The following H2BC8 variants were observed in gnomAD, a reference collection of about 807,000 sequenced individuals.
H2BC8 encodes the protein histone H2B type 1-C/E/F/G/I.
In H2BC8, 11 loss-of-function variants were observed where a neutral mutation model predicts 6.3. That is an observed-to-expected ratio of 1.75 (90% CI 1.10 to 2.89). The LOEUF (loss-of-function observed/expected upper bound fraction) is 2.89. Ranked by LOEUF, H2BC8 falls within the 30% of genes most tolerant of loss-of-function variation. The pLI is 0.00. For synonymous variants in H2BC8, 150 were observed against 65.8 expected (o/e 2.28, Z -6.19); for missense variants, 195 against 165.2 (o/e 1.18, Z -0.99).
Position 26,216,208 on chromosome 6 carries a change from A to T in H2BC8, c.*55T>A. 2 of 1,508,924 alleles carry T rather than the reference A, an allele frequency of 1.3e-6. No individual in the cohort carries two copies. Among genetic ancestry groups the T allele is most frequent in the Non-Finnish European group, 1.8e-6 (2 of 1,126,088 alleles). The allele number at this position is 1,508,924 out of a possible 1,614,324, so 93.5% of individuals were successfully genotyped here. A position where few individuals can be genotyped will look rare whatever the true frequency, so the allele number is the denominator to read the frequency against. ...ATTCAATATTAAAGCTCTTTATGTG[A>T]GACTTGAGTGGCTCTGAAAAGAGCC... On this transcript the variant is annotated 3_prime_UTR_variant, in exon 1 of 1. Coordinates refer to ENST00000541790, the MANE Select transcript of H2BC8 (RefSeq NM_003518.4).
Position 26,216,296 on chromosome 6 carries a change from G to T in H2BC8, c.348C>A (p.Thr116=), listed in dbSNP as rs1428205554. The T allele has an allele frequency of 1.9e-6, 3 of 1,612,142 alleles. No individual in the cohort carries two copies. Among genetic ancestry groups the T allele is most frequent in the Admixed American group, 1.7e-5 (1 of 59,894 alleles). The change falls in exon 1 of 1, where the codon ACC becomes ACA. Residue 116 remains threonine (T), a synonymous_variant. Coordinates refer to ENST00000541790, the MANE Select transcript of H2BC8 (RefSeq NM_003518.4). The part of the protein sequence containing the change: ...ELAKHAVSEG[T]KAVTKYTSSK ...AGCTTGTATACTTGGTGACAGCCTT[G>T]GTACCTTCGGACACTGCGTGCTTGG...
chr6:26,216,616 C>T lies in H2BC8; in HGVS notation c.28G>A (p.Ala10Thr), dbSNP rs761654812. MPEPAKSAP[A>T]PKKGSKKAVT... is the part of the protein sequence containing the mutation. ...GCCTTCTTGGAACCCTTCTTCGGAG[C>T]AGGAGCTGACTTAGCTGGTTCAGGC... Residue 10 changes from alanine (A) to threonine (T), a missense_variant, in exon 1 of 1, where the codon GCT (alanine) becomes ACT (threonine). By Grantham distance (58) the Ala-to-Thr change is moderately conservative. Transcript: ENST00000541790. 2 of 1,613,966 alleles carry T rather than the reference C, an allele frequency of 1.2e-6. No individual in the cohort carries two copies. Among genetic ancestry groups the T allele is most frequent in the African/African-American group, 1.3e-5 (1 of 75,032 alleles).
chr6:26,216,349 C>T lies in H2BC8; in HGVS notation c.295G>A (p.Val99Met), dbSNP rs368649575. ...TITSREIQTA[V>M]RLLLPGELAK... ...AGCTCTCCGGGAAGCAGCAGACGCA[C>T]GGCGGTCTGGATCTCCCTGGAGGTA... Residue 99 changes from valine to methionine, a missense_variant, in exon 1 of 1, where the codon GTG becomes ATG. Val to Met is a conservative substitution (Grantham distance 21, BLOSUM62 1). Transcript: ENST00000541790. The T allele has an allele frequency of 6.2e-7, 1 of 1,614,032 alleles. No homozygotes were observed. The highest frequency in any genetic ancestry group is 1.3e-5 in the African/African-American group (1 of 74,928).
rs770940533 is a variant in H2BC8 at position 26,216,404 on chromosome 6, A to G, written c.240T>C (p.Arg80=). The change falls in exon 1 of 1, where the codon CGT becomes CGC. Residue 80 remains arginine, a synonymous_variant. Coordinates refer to ENST00000541790, the MANE Select transcript of H2BC8 (RefSeq NM_003518.4). ...TCGAGCGCTTGTTGTAGTGGGCCAGACGGGAAGCCTCGCCTGCGATGCGTT... is the reference window on the plus strand; with the variant it reads ...TCGAGCGCTTGTTGTAGTGGGCCAGGCGGGAAGCCTCGCCTGCGATGCGTT... ...IFERIAGEAS[R]LAHYNKRSTI... 6 of 1,614,094 alleles carry G rather than the reference A, an allele frequency of 3.7e-6. No individual in the cohort carries two copies. The highest frequency in any genetic ancestry group is 5.1e-6 in the Non-Finnish European group (6 of 1,180,050).
Position 26,216,226 on chromosome 6 carries a change from A to T in H2BC8, c.*37T>A. On this transcript the variant is annotated 3_prime_UTR_variant, in exon 1 of 1. Coordinates refer to ENST00000541790, the MANE Select transcript of H2BC8 (RefSeq NM_003518.4). ...TTATGTGAGACTTGAGTGGCTCTGA[A>T]AAGAGCCTTTGAGTTTTAAAGCACC... is the stretch of plus-strand genomic sequence containing the variant. The T allele has an allele frequency of 6.5e-7, 1 of 1,540,454 alleles. No individual in the cohort carries two copies. The highest frequency in any genetic ancestry group is 8.7e-7 in the Non-Finnish European group (1 of 1,144,238).
rs201937698 is a variant in H2BC8, at chr6:26,216,225, A to T, written c.*38T>A. On this transcript the variant is annotated 3_prime_UTR_variant, in exon 1 of 1. Coordinates refer to ENST00000541790, the MANE Select transcript of H2BC8 (RefSeq NM_003518.4). The stretch of plus-strand genomic sequence containing the variant: ...TTTATGTGAGACTTGAGTGGCTCTG[A>T]AAAGAGCCTTTGAGTTTTAAAGCAC... 2 of 1,539,560 alleles carry T rather than the reference A, an allele frequency of 1.3e-6. No individual in the cohort carries two copies. Among genetic ancestry groups the T allele is most frequent in the Admixed American group, 4.1e-5 (2 of 48,714 alleles).
Position 26,216,603 on chromosome 6 carries a change from C to A in H2BC8, c.41G>T (p.Gly14Val). The A allele has an allele frequency of 1.2e-6, 2 of 1,614,178 alleles. No individual in the cohort carries two copies. The highest frequency in any genetic ancestry group is 1.7e-6 in the Non-Finnish European group (2 of 1,180,026). Residue 14 changes from glycine to valine, a missense_variant, in exon 1 of 1, where the codon GGT becomes GTT. Physicochemically the swap from Gly to Val is moderately radical, Grantham distance 109. Transcript: ENST00000541790. Reference sequence around the variant, plus strand: ...CGCCTTGGTCACAGCCTTCTTGGAACCCTTCTTCGGAGCAGGAGCTGACTT... The same window carrying A: ...CGCCTTGGTCACAGCCTTCTTGGAAACCTTCTTCGGAGCAGGAGCTGACTT... ...PAKSAPAPKK[G>V]SKKAVTKAQK...
rs1484504856 is a variant in H2BC8 at position 26,216,452 on chromosome 6, A to G, written c.192T>C (p.Asn64=). 5.0e-6 allele frequency: 8 copies of G among 1,614,130 alleles called. No homozygotes were observed. In the African/African-American group the frequency reaches 8.0e-5, roughly 16 times the overall value. Residue 64 remains asparagine, a synonymous_variant, in exon 1 of 1, where the codon AAT becomes AAC. Coordinates refer to ENST00000541790, the MANE Select transcript of H2BC8 (RefSeq NM_003518.4). ...GTTCGAAGATGTCGTTAACGAAGGA[A>G]TTCATGATGCCCATGGCCTTGGATG... The part of the protein sequence containing the change: ...GISSKAMGIM[N]SFVNDIFERI...
chr6:26,216,584 G>C lies in H2BC8; in HGVS notation c.60C>G (p.Thr20=), dbSNP rs144645222. ...TCTTGCCATCCTTCTTCTGCGCCTTGGTCACAGCCTTCTTGGAACCCTTCT... is the reference window on the plus strand; with the variant it reads ...TCTTGCCATCCTTCTTCTGCGCCTTCGTCACAGCCTTCTTGGAACCCTTCT... ...APKKGSKKAV[T]KAQKKDGKKR... is the part of the protein sequence containing the mutation. The change falls in exon 1 of 1, where the codon ACC becomes ACG. Residue 20 remains threonine, a synonymous_variant. Transcript: ENST00000541790. The C allele has an allele frequency of 2.0e-4, 319 of 1,614,188 alleles. No homozygotes were observed. In the African/African-American group the frequency reaches 2.8e-3, roughly 14 times the overall value.
At position 26,216,597 on chromosome 6, in the gene H2BC8, T is replaced by C; in HGVS notation, c.47A>G (p.Lys16Arg). 6.2e-7 allele frequency: 1 copy of C among 1,614,194 alleles called. No homozygotes were observed. Among genetic ancestry groups the C allele is most frequent in the Non-Finnish European group, 8.5e-7 (1 of 1,180,032 alleles). The part of the protein sequence containing the change: ...KSAPAPKKGS[K>R]KAVTKAQKKD... ...CTTCTGCGCCTTGGTCACAGCCTTCTTGGAACCCTTCTTCGGAGCAGGAGC... is the reference window on the plus strand; with the variant it reads ...CTTCTGCGCCTTGGTCACAGCCTTCCTGGAACCCTTCTTCGGAGCAGGAGC... Residue 16 changes from lysine (K) to arginine (R), a missense_variant, in exon 1 of 1, where the codon AAG becomes AGG. Lys to Arg is a conservative substitution (Grantham distance 26). Coordinates refer to ENST00000541790, the MANE Select transcript of H2BC8 (RefSeq NM_003518.4).
chr6:26,216,380 C>A lies in H2BC8; in HGVS notation c.264G>T (p.Ser88=), dbSNP rs765729377. The A allele has an allele frequency of 6.2e-7, 1 of 1,614,124 alleles. No individual in the cohort carries two copies. The highest frequency in any genetic ancestry group is 1.1e-5 in the South Asian group (1 of 91,076). Residue 88 remains serine, a synonymous_variant, in exon 1 of 1, where the codon TCG becomes TCT. Coordinates refer to ENST00000541790, the MANE Select transcript of H2BC8 (RefSeq NM_003518.4). ...ASRLAHYNKR[S]TITSREIQTA... ...TCTGGATCTCCCTGGAGGTAATGGT[C>A]GAGCGCTTGTTGTAGTGGGCCAGAC... is the stretch of plus-strand genomic sequence containing the variant.
Position 26,216,571 on chromosome 6 carries a change from T to C in H2BC8, c.73A>G (p.Lys25Glu). 2 of 1,614,176 alleles carry C rather than the reference T, an allele frequency of 1.2e-6. No homozygotes were observed. Among genetic ancestry groups the C allele is most frequent in the Non-Finnish European group, 1.7e-6 (2 of 1,179,992 alleles). The change falls in exon 1 of 1, where the codon AAG becomes GAG. Residue 25 changes from lysine to glutamate, a missense_variant. Coordinates refer to ENST00000541790, the MANE Select transcript of H2BC8 (RefSeq NM_003518.4). ...SKKAVTKAQKKDGKKRKRSRK... is the reference protein window; with the variant it reads ...SKKAVTKAQKEDGKKRKRSRK... ...CTGCGCTTGCGCTTCTTGCCATCCT[T>C]CTTCTGCGCCTTGGTCACAGCCTTC...
chr6:26,216,250 C>T lies in H2BC8; in HGVS notation c.*13G>A, dbSNP rs1171605451. On this transcript the variant is annotated 3_prime_UTR_variant, in exon 1 of 1. Coordinates refer to ENST00000541790, the MANE Select transcript of H2BC8 (RefSeq NM_003518.4). ...AAAAGAGCCTTTGAGTTTTAAAGCA[C>T]CTAAGCACACATTTACTTGGAGCTT... 2 of 1,583,610 alleles carry T rather than the reference C, an allele frequency of 1.3e-6. No individual in the cohort carries two copies. Among genetic ancestry groups the T allele is most frequent in the Non-Finnish European group, 1.7e-6 (2 of 1,164,464 alleles).
rs778162085 is a variant in H2BC8 at position 26,216,630 on chromosome 6, G to C, written c.14C>G (p.Ala5Gly). The C allele has an allele frequency of 2.0e-5, 32 of 1,612,534 alleles. No homozygotes were observed. The highest frequency in any genetic ancestry group is 2.6e-5 in the Non-Finnish European group (31 of 1,179,500). Reference protein sequence around the residue: MPEPAKSAPAPKKGS... With the variant: MPEPGKSAPAPKKGS... ...CTTCTTCGGAGCAGGAGCTGACTTA[G>C]CTGGTTCAGGCATGCTGTCAGAAAA... The change falls in exon 1 of 1, where the codon GCT (alanine) becomes GGT (glycine). Residue 5 changes from alanine to glycine, a missense_variant. Transcript: ENST00000541790.
Position 26,216,223 on chromosome 6 carries a change from T to C in H2BC8, c.*40A>G, listed in dbSNP as rs1341576706. The C allele has an allele frequency of 6.5e-7, 1 of 1,535,450 alleles. No individual in the cohort carries two copies. Among genetic ancestry groups the C allele is most frequent in the East Asian group, 2.3e-5 (1 of 44,246 alleles). ...TCTTTATGTGAGACTTGAGTGGCTC[T>C]GAAAAGAGCCTTTGAGTTTTAAAGC... On this transcript the variant is annotated 3_prime_UTR_variant, in exon 1 of 1. Transcript: ENST00000541790.
Position 26,216,419 on chromosome 6 carries a change from T to A in H2BC8, c.225A>T (p.Ala75=). The change falls in exon 1 of 1, where the codon GCA becomes GCT. Residue 75 remains alanine (A), a synonymous_variant. Coordinates refer to ENST00000541790, the MANE Select transcript of H2BC8 (RefSeq NM_003518.4). ...SFVNDIFERI[A]GEASRLAHYN... is the part of the protein sequence containing the mutation. ...AGTGGGCCAGACGGGAAGCCTCGCC[T>A]GCGATGCGTTCGAAGATGTCGTTAA... 6.2e-7 allele frequency: 1 copy of A among 1,614,214 alleles called. No homozygotes were observed. Among genetic ancestry groups the A allele is most frequent in the Non-Finnish European group, 8.5e-7 (1 of 1,180,054 alleles).
Position 26,216,576 on chromosome 6 carries a change from T to C in H2BC8, c.68A>G (p.Gln23Arg), listed in dbSNP as rs763936797. 2 of 1,614,260 alleles carry C rather than the reference T, an allele frequency of 1.2e-6. No homozygotes were observed. Among genetic ancestry groups the C allele is most frequent in the Non-Finnish European group, 1.7e-6 (2 of 1,180,036 alleles). The change falls in exon 1 of 1, where the codon CAG (glutamine) becomes CGG (arginine). Residue 23 changes from glutamine to arginine, a missense_variant. Coordinates refer to ENST00000541790, the MANE Select transcript of H2BC8 (RefSeq NM_003518.4). Reference protein sequence around the residue: ...KGSKKAVTKAQKKDGKKRKRS... With the variant: ...KGSKKAVTKARKKDGKKRKRS... Reference sequence around the variant, plus strand: ...CTTGCGCTTCTTGCCATCCTTCTTCTGCGCCTTGGTCACAGCCTTCTTGGA... The same window carrying C: ...CTTGCGCTTCTTGCCATCCTTCTTCCGCGCCTTGGTCACAGCCTTCTTGGA...
Position 26,216,668 on chromosome 6 carries a change from T to C in H2BC8, c.-25A>G, listed in dbSNP as rs944925331. ...TGCTGTCAGAAAACAATAACAGCAG[T>C]GAGAATGAACGCACTTAAATAAAAG... On this transcript the variant is annotated 5_prime_UTR_variant, in exon 1 of 1. Coordinates refer to ENST00000541790, the MANE Select transcript of H2BC8 (RefSeq NM_003518.4). The C allele has an allele frequency of 5.6e-6, 9 of 1,594,950 alleles. No individual in the cohort carries two copies. The highest frequency in any genetic ancestry group is 2.2e-5 in the East Asian group (1 of 44,750).
At position 26,216,635 on chromosome 6, in the gene H2BC8, T is replaced by C. The variant is rs372673859; in HGVS notation, c.9A>G (p.Glu3=). 110 of 1,611,848 alleles carry C rather than the reference T, an allele frequency of 6.8e-5. No individual in the cohort carries two copies. The highest frequency in any genetic ancestry group is 8.6e-5 in the Non-Finnish European group (101 of 1,179,266). The change falls in exon 1 of 1, where the codon GAA becomes GAG. Residue 3 remains glutamate, a synonymous_variant. Coordinates refer to ENST00000541790, the MANE Select transcript of H2BC8 (RefSeq NM_003518.4). ...TCGGAGCAGGAGCTGACTTAGCTGG[T>C]TCAGGCATGCTGTCAGAAAACAATA... The part of the protein sequence containing the change: MP[E]PAKSAPAPKK...
Sources: gnomAD v4.1 joint callset for allele counts on GRCh38, gnomAD v4.1.1 for gene constraint, MANE v1.5 for transcripts, NCBI Gene and HGNC (gene_info 2026-07-23, HGNC 2026-07-21) for gene names.